ZNF548: variants seen among roughly 807,000 people sequenced by gnomAD.
ZNF548 encodes zinc finger protein 548.
A neutral mutation model predicts 10.2 loss-of-function variants in ZNF548; 10 were observed. The ratio of observed to expected loss-of-function variants is 0.98; its 90% CI spans 0.60 to 1.66. The LOEUF (loss-of-function observed/expected upper bound fraction) is 1.66, where lower values mean the gene tolerates loss of function less well. ZNF548 is among the 40% of genes most tolerant of loss of function. The probability of loss-of-function intolerance (pLI) is 0.00; values close to 1 mark genes in which losing one functional copy is unlikely to be tolerated. For synonymous variants in ZNF548, 217 were observed against 223.5 expected, an observed-to-expected ratio of 0.97 and a Z score of 0.26; for missense variants, 599 against 657.0, an observed-to-expected ratio of 0.91 and a Z score of 0.97.
intron 1 of ZNF548, chr19:57,392,896 C>G (rs2088637018): frequency 1.0e-6 from 1 of 985,432 alleles, no homozygotes; most frequent in Admixed American, 6.1e-5. Context: ...CGGTGCAGAC[C>G]TGGCATAACA....
Position 57,398,667 on chromosome 19 carries a change from G to C in ZNF548, c.416G>C (p.Gly139Ala), listed in dbSNP as rs913330837. 1.2e-6 allele frequency: 2 copies of C among 1,613,916 alleles called. No individual in the cohort carries two copies. Among genetic ancestry groups the C allele is most frequent in the African/African-American group, 2.7e-5 (2 of 74,948 alleles). ...ELFQHPKQQI[G>A]ENLSRGDDWI... ...TTTCAGCACCCAAAGCAGCAAATTG[G>C]AGAAAATCTTTCCAGAGGGGATGAT... The change falls in exon 4 of 4, where the codon GGA becomes GCA. Residue 139 changes from glycine (G) to alanine (A), a missense_variant. Physicochemically the swap from Gly to Ala is moderately conservative, Grantham distance 60 (BLOSUM62 0). Transcript: ENST00000336128.
intron 1 of ZNF548, among the ~76,000 whole-genome samples, chr19:57,391,789 GTT>G (rs71186258): frequency 1.1e-5 from 1 of 93,586 alleles, no homozygotes; most frequent in Non-Finnish European, 2.0e-5. Flanking sequence ...TGTGCTTACT[GTT>G]TTTTTTTTTT....
At position 57,396,794 on chromosome 19, in the gene ZNF548, T is replaced by G. The variant is rs2088668880; in HGVS notation, c.52-254T>G. The G allele has an allele frequency of 7.0e-6, 3 of 426,366 alleles. No individual in the cohort carries two copies. The South Asian group carries it at 2.1e-4, about 29-fold the overall frequency. The allele number at this position is 426,366 out of a possible 1,614,324, so 26.4% of individuals were successfully genotyped here. A position where few individuals can be genotyped will look rare whatever the true frequency, so the allele number is the denominator to read the frequency against. On this transcript the variant is annotated intron_variant, in intron 2 of 3. Transcript: ENST00000336128. ...GTCAGGATAGTTTGGCTAGTTTAAA[T>G]AATTCCAGGACACCTGGGCTATTGG...
Position 57,399,486 on chromosome 19 carries a change from A to C in ZNF548, c.1235A>C (p.Lys412Thr). Residue 412 changes from lysine to threonine, a missense_variant, in exon 4 of 4, where the codon AAA (lysine) becomes ACA (threonine). Transcript: ENST00000336128. This position sits in a 1 kb window ranked among gnomAD's most constrained non-coding sequence, Gnocchi z 4.0. ...ERPYKCSECG[K>T]SFRYHCRLIR... The stretch of plus-strand genomic sequence containing the variant: ...CCTTATAAATGCAGTGAATGTGGGA[A>C]ATCATTTAGGTACCACTGCAGGCTC... 1 of 1,614,136 alleles carries C rather than the reference A, an allele frequency of 6.2e-7. No individual in the cohort carries two copies. Among genetic ancestry groups the C allele is most frequent in the Middle Eastern group, 1.6e-4 (1 of 6,062 alleles).
intron 2 of ZNF548, among the ~76,000 whole-genome samples, chr19:57,394,975 G>T (rs1212812012): frequency 6.6e-6 from 1 of 152,008 alleles, no homozygotes; most frequent in Non-Finnish European, 1.5e-5. Flanking sequence ...TGAGGAGTCA[G>T]TGTTTGTTCA....
Position 57,402,544 on chromosome 19 carries a change from G to A in ZNF548, c.*2655G>A, listed in dbSNP as rs151314073. ...AGGTAATAAATTGTTCTGATTTTGT[G>A]TATCCAAGTGACATTGGGTTGTTTC... On this transcript the variant is annotated 3_prime_UTR_variant, in exon 4 of 4. Coordinates refer to ENST00000336128, the MANE Select transcript of ZNF548 (RefSeq NM_001172773.2). 6.6e-6 allele frequency: 1 copy of A among 152,332 alleles called. No homozygotes were observed. The highest frequency in any genetic ancestry group is 1.9e-4 in the East Asian group (1 of 5,192). 9.4% of individuals were successfully genotyped at this position (152,332 alleles called of 1,614,324 possible).
rs2088722705 is a variant in ZNF548, at chr19:57,402,203, CA to C, written c.*2315del. ...GGCACACTTGTCAAAATCATTTGTCCATATATGCCATGGTTTATATGTGGAT... is the reference window on the plus strand; with the variant it reads ...GGCACACTTGTCAAAATCATTTGTCCTATATGCCATGGTTTATATGTGGAT... On this transcript the variant is annotated 3_prime_UTR_variant, in exon 4 of 4. Transcript: ENST00000336128. 6.6e-6 allele frequency: 1 copy of C among 152,128 alleles called. No individual in the cohort carries two copies. 9.4% of individuals were successfully genotyped at this position (152,128 alleles called of 1,614,324 possible).
intron 1 of ZNF548, among the ~76,000 whole-genome samples, chr19:57,393,185 T>A (rs1429663668): frequency 6.6e-6 from 1 of 152,098 alleles, no homozygotes; most frequent in Non-Finnish European, 1.5e-5. Flanking sequence ...TTTAGAAGAT[T>A]ATGTAGCAGG....
In ZNF548 at chr19:57,401,875, A is replaced by T. The variant is rs1262461857; in HGVS notation, c.*1986A>T. On this transcript the variant is annotated 3_prime_UTR_variant, in exon 4 of 4. Coordinates refer to ENST00000336128, the MANE Select transcript of ZNF548 (RefSeq NM_001172773.2). The stretch of plus-strand genomic sequence containing the variant: ...CACCTCAGCCTCCCAAGTAGCTTGG[A>T]TTACAAGTGTACACCACCACACCTG... The T allele has an allele frequency of 3.9e-5, 6 of 151,966 alleles. No individual in the cohort carries two copies. The highest frequency in any genetic ancestry group is 8.8e-5 in the Non-Finnish European group (6 of 68,062). 9.4% of individuals were successfully genotyped at this position (151,966 alleles called of 1,614,324 possible).
At position 57,389,891 on chromosome 19, in the gene ZNF548, T is replaced by G; in HGVS notation, c.-209T>G. 2.2e-4 allele frequency: 116 copies of G among 522,442 alleles called. No individual in the cohort carries two copies. Among genetic ancestry groups the G allele is most frequent in the African/African-American group, 2.1e-4 (11 of 52,070 alleles). 32.4% of individuals were successfully genotyped at this position (522,442 alleles called of 1,614,324 possible). The stretch of plus-strand genomic sequence containing the variant: ...GTCCTCCTGGTGGTGGTCGTTTTGG[T>G]TCTGTGTGGTGTTTCACCAACTTCG... On this transcript the variant is annotated 5_prime_UTR_variant, in exon 1 of 4. Transcript: ENST00000336128.
In ZNF548 at chr19:57,398,949, G is replaced by C; in HGVS notation, c.698G>C (p.Gly233Ala). Reference sequence around the variant, plus strand: ...GTTGAGCACCAGAAAATCCACACAGGAGAAAGGTCTTATGAATGTAACAAA... The same window carrying C: ...GTTGAGCACCAGAAAATCCACACAGCAGAAAGGTCTTATGAATGTAACAAA... The part of the protein sequence containing the change: ...SFVEHQKIHT[G>A]ERSYECNKCG... The change falls in exon 4 of 4, where the codon GGA (glycine) becomes GCA (alanine). Residue 233 changes from glycine to alanine, a missense_variant. Gly to Ala is a moderately conservative substitution (Grantham distance 60, BLOSUM62 0). Coordinates refer to ENST00000336128, the MANE Select transcript of ZNF548 (RefSeq NM_001172773.2). 1.2e-6 allele frequency: 2 copies of C among 1,614,098 alleles called. No individual in the cohort carries two copies. Among genetic ancestry groups the C allele is most frequent in the South Asian group, 2.2e-5 (2 of 91,086 alleles).
intron 1 of ZNF548, among the ~76,000 whole-genome samples, chr19:57,391,152 C>G (rs935097954): frequency 4.0e-5 from 6 of 151,456 alleles, no homozygotes; most frequent in Admixed American, 3.9e-4. Context: ...GTTTGTCATT[C>G]CACACTCTTT....
At chr19:57,396,631 G>A (rs558065616) in intron 2 of ZNF548, among the ~76,000 whole-genome samples, 3 of 152,230 alleles carry the variant, frequency 2.0e-5, no homozygotes, top group African/African-American at 7.2e-5. Flanking sequence ...TTCCCCAAGG[G>A]GGGTACATAC....
intron 1 of ZNF548, 71 bp from the exon 2 acceptor site, chr19:57,394,117 G>A (rs539485845): frequency 3.3e-6 from 5 of 1,505,734 alleles, no homozygotes; most frequent in East Asian, 4.6e-5. Context: ...GGCAGACGAG[G>A]TGGTGGTCCA....
chr19:57,392,672 C>A, intron 1 of ZNF548: 1 of 567,304 alleles, frequency 1.8e-6, no homozygotes, highest in Non-Finnish European at 2.2e-6. Context: ...AAATGCTTTA[C>A]CACTGAGCTG....
At chr19:57,392,194 C>G (rs1477863817) in intron 1 of ZNF548, among the ~76,000 whole-genome samples, 2 of 152,010 alleles carry the variant, frequency 1.3e-5, no homozygotes, top group African/African-American at 2.4e-5. Flanking sequence ...ATATTAGTAC[C>G]CTGTCAGATG....
At position 57,399,412 on chromosome 19, in the gene ZNF548, G is replaced by A. The variant is rs1328558753; in HGVS notation, c.1161G>A (p.Arg387=). 6.2e-7 allele frequency: 1 copy of A among 1,613,252 alleles called. No homozygotes were observed. Among genetic ancestry groups the A allele is most frequent in the Middle Eastern group, 1.7e-4 (1 of 6,058 alleles). ...YECSVCGELF[R]YNSSLVKHWR... The stretch of plus-strand genomic sequence containing the variant: ...GCAGTGTATGTGGGGAATTGTTTAG[G>A]TACAACTCCAGCCTTGTTAAACATT... The change falls in exon 4 of 4, where the codon AGG becomes AGA. Residue 387 remains arginine, a synonymous_variant. Coordinates refer to ENST00000336128, the MANE Select transcript of ZNF548 (RefSeq NM_001172773.2). This position sits in a 1 kb window ranked among gnomAD's most constrained non-coding sequence, Gnocchi z 4.0.
chr19:57,389,895 G>T lies in ZNF548; in HGVS notation c.-205G>T. On this transcript the variant is annotated 5_prime_UTR_variant, in exon 1 of 4. Transcript: ENST00000336128. ...TCCTGGTGGTGGTCGTTTTGGTTCT[G>T]TGTGGTGTTTCACCAACTTCGGCCT... 5.4e-5 allele frequency: 30 copies of T among 554,114 alleles called. No homozygotes were observed. The highest frequency in any genetic ancestry group is 5.7e-5 in the African/African-American group (3 of 52,832). 34.3% of individuals were successfully genotyped at this position (554,114 alleles called of 1,614,324 possible).
chr19:57,391,789 GTTTTTTTTTTTTT>G (rs71186258), intron 1 of ZNF548, among the ~76,000 whole-genome samples: 3 of 93,580 alleles, frequency 3.2e-5, no homozygotes, highest in South Asian at 8.4e-4. Context: ...TGTGCTTACT[GTTTTTTTTTTTTT>G]TTTTTTTTTG....
Sources: gnomAD v4.1 joint callset for allele counts (sites outside exome capture counted in the v4.1 genomes callset) on GRCh38, gnomAD v4.1.1 for gene constraint, Gnocchi (gnomAD v3.1) non-coding constraint, MANE v1.5 for transcripts, NCBI Gene and HGNC (gene_info 2026-07-23, HGNC 2026-07-21) for gene names.